TGFBRAP1: variants seen among roughly 807,000 people sequenced by gnomAD.
The protein encoded by TGFBRAP1 is transforming growth factor beta receptor associated protein 1, also known as transforming growth factor-beta receptor-associated protein 1.
A neutral mutation model predicts 83.2 loss-of-function variants in TGFBRAP1; 20 were observed. The ratio of observed to expected loss-of-function variants is 0.24; its 90% CI spans 0.17 to 0.35. The LOEUF (loss-of-function observed/expected upper bound fraction) is 0.35. Among genes scored for constraint, TGFBRAP1 ranks in the 10% least tolerant of loss-of-function variants. TGFBRAP1 has a pLI of 1.00. For synonymous variants in TGFBRAP1, 415 were observed against 459.8 expected (o/e 0.90, Z 1.25); for missense variants, 950 against 1,099.4 (o/e 0.86, Z 1.92).
Position 105,296,393 on chromosome 2 carries a change from T to C in TGFBRAP1, c.1001A>G (p.Lys334Arg). The stretch of plus-strand genomic sequence containing the variant: ...CTTTGGAATGTTCCTCCGGGCTCCT[T>C]TTGCTAAAACCAAAGCCTCTTCTAC... ...RRVEEALVLA[K>R]GARRNIPKEK... Residue 334 changes from lysine (K) to arginine (R), a missense_variant, in exon 4 of 12, where the codon AAA (lysine) becomes AGA (arginine). Transcript: ENST00000393359. The C allele has an allele frequency of 6.2e-7, 1 of 1,613,980 alleles. No individual in the cohort carries two copies.
At chr2:105,297,556 G>T (rs1361962739) in intron 3 of TGFBRAP1, among the ~76,000 whole-genome samples, 1 of 152,174 alleles carries the variant, frequency 6.6e-6, no homozygotes, top group Non-Finnish European at 1.5e-5. Flanking sequence ...GCACAGCAAG[G>T]GTAATGTTTG....
chr2:105,329,561 T>G (rs1679311448), intron 1 of TGFBRAP1, 64 bp downstream of exon 1: 1 of 94,710 alleles, frequency 1.1e-5, no homozygotes, highest in Admixed American at 1.1e-4. Context: ...CTCCCCGCCC[T>G]CCTGCCCCAC....
downstream of TGFBRAP1, among the ~76,000 whole-genome samples, chr2:105,259,600 G>A (rs887150248): frequency 6.6e-6 from 1 of 152,122 alleles, no homozygotes; most frequent in Non-Finnish European, 1.5e-5. Flanking sequence ...TATGAAGAGG[G>A]GTTGGGAAAA....
intron 1 of TGFBRAP1, chr2:105,324,338 T>C (rs1679160136): frequency 1.3e-5 from 2 of 152,216 alleles, no homozygotes; most frequent in Non-Finnish European, 2.9e-5. Flanking sequence ...CGTGGTATAT[T>C]GGGTAATTAT....
At chr2:105,294,831 C>A (rs1463925042) in intron 4 of TGFBRAP1, among the ~76,000 whole-genome samples, 3 of 152,178 alleles carry the variant, frequency 2.0e-5, no homozygotes, top group African/African-American at 7.2e-5. Context: ...TAAGAAAATG[C>A]TACACGCTTA....
At chr2:105,305,262 C>T (rs1339507624) in intron 2 of TGFBRAP1, among the ~76,000 whole-genome samples, 7 of 152,144 alleles carry the variant, frequency 4.6e-5, no homozygotes, top group Admixed American at 1.3e-4. Context: ...GACAGGAATT[C>T]GTTATCACAA....
intron 1 of TGFBRAP1, among the ~76,000 whole-genome samples, chr2:105,328,300 A>T (rs1400672408): frequency 1.3e-5 from 2 of 152,158 alleles, no homozygotes; most frequent in African/African-American, 4.8e-5. Flanking sequence ...CTAGTTATGG[A>T]CAGGTTCCAG....
chr2:105,286,674 G>A (rs1677730594), intron 4 of TGFBRAP1, among the ~76,000 whole-genome samples: 1 of 152,226 alleles, frequency 6.6e-6, no homozygotes, highest in Non-Finnish European at 1.5e-5. Flanking sequence ...TGTCTACTCT[G>A]TACAGAGGCT....
chr2:105,285,439 C>T (rs574002171), intron 4 of TGFBRAP1, among the ~76,000 whole-genome samples: 8 of 152,308 alleles, frequency 5.3e-5, no homozygotes, highest in South Asian at 2.1e-4. Flanking sequence ...CCCAGAGATG[C>T]TACGTTTTTA....
chr2:105,270,310 T>C (rs1225978400), intron 10 of TGFBRAP1, among the ~76,000 whole-genome samples: 2 of 152,160 alleles, frequency 1.3e-5, no homozygotes, highest in Non-Finnish European at 2.9e-5. Context: ...CTAAGGAAAA[T>C]GACATAACCC....
At position 105,284,398 on chromosome 2, in the gene TGFBRAP1, C is replaced by T; in HGVS notation, c.1039G>A (p.Val347Ile). 6.2e-7 allele frequency: 1 copy of T among 1,613,926 alleles called. No individual in the cohort carries two copies. Among genetic ancestry groups the T allele is most frequent in the Middle Eastern group, 1.7e-4 (1 of 6,058 alleles). Residue 347 changes from valine to isoleucine, a missense_variant and splice_region_variant, in exon 5 of 12, where the codon GTA becomes ATA. Physicochemically the swap from Val to Ile is conservative, Grantham distance 29. Coordinates refer to ENST00000393359, the MANE Select transcript of TGFBRAP1 (RefSeq NM_004257.6). ...RRNIPKEKFQVMYRRILQQAG... is the reference protein window; with the variant it reads ...RRNIPKEKFQIMYRRILQQAG... ...TGCTGCAGAATCCTTCTGTACATTA[C>T]CTGCAAGGAAAGACGGGTGTAATCT...
chr2:105,274,191 G>A (rs1301417980), intron 8 of TGFBRAP1, among the ~76,000 whole-genome samples: 1 of 152,168 alleles, frequency 6.6e-6, no homozygotes, highest in African/African-American at 2.4e-5. Flanking sequence ...GTTAATCTGA[G>A]ATCTGAGCTT....
In TGFBRAP1 at chr2:105,329,646, C is replaced by G. The variant is rs997448067; in HGVS notation, c.-39G>C. The G allele has an allele frequency of 1.4e-5, 2 of 147,226 alleles. No homozygotes were observed. The highest frequency in any genetic ancestry group is 3.0e-5 in the Non-Finnish European group (2 of 65,858). 9.1% of individuals were successfully genotyped at this position (147,226 alleles called of 1,614,324 possible). A position where few individuals can be genotyped will look rare whatever the true frequency, so the allele number is the denominator to read the frequency against. On this transcript the variant is annotated 5_prime_UTR_variant, in exon 1 of 12. Transcript: ENST00000393359. ...TCACCGGCGCCGGCGCCCGCCGTCC[C>G]GCGCCGCCCCGCGGCCTGGGGCCCC...
In TGFBRAP1 at chr2:105,305,999, C is replaced by G. The variant is rs965703145; in HGVS notation, c.688+1615G>C. On this transcript the variant is annotated intron_variant, in intron 2 of 11. Coordinates refer to ENST00000393359, the MANE Select transcript of TGFBRAP1 (RefSeq NM_004257.6). ...AGGAGCAAAAACAATCAAATGACAA[C>G]CCACTCTTGTGGGAAAATCTTACCA... Among the ~76,000 whole-genome samples the G allele has an allele frequency of 2.6e-5, 4 of 151,840 alleles. No individual in the cohort carries two copies. The South Asian group carries it at 8.3e-4, about 32-fold the overall frequency.
intron 10 of TGFBRAP1, among the ~76,000 whole-genome samples, chr2:105,272,486 C>T (rs938150805): frequency 1.3e-5 from 2 of 152,186 alleles, no homozygotes; most frequent in African/African-American, 4.8e-5. Context: ...CCAACATCAT[C>T]AATCAAAGGG....
At chr2:105,284,167 G>C (rs568223013) in intron 5 of TGFBRAP1, 149 bp downstream of exon 5, 1 of 676,470 alleles carries the variant, frequency 1.5e-6, no homozygotes, top group African/African-American at 1.8e-5. Flanking sequence ...CATTGGCGGG[G>C]TCTGCTGTCA....
intron 6 of TGFBRAP1, among the ~76,000 whole-genome samples, chr2:105,278,008 C>G (rs749633316): frequency 2.8e-4 from 42 of 151,984 alleles, no homozygotes; most frequent in Admixed American, 9.2e-4. Context: ...GCAGTGAGCC[C>G]TGATTGTGCC....
intron 1 of TGFBRAP1, among the ~76,000 whole-genome samples, chr2:105,311,862 C>A (rs903271324): frequency 6.6e-6 from 1 of 151,208 alleles, no homozygotes; most frequent in Non-Finnish European, 1.5e-5. Flanking sequence ...GAGCCGAGAT[C>A]GTACCACTGC....
the TGFBRAP1 span, among the ~76,000 whole-genome samples, chr2:105,254,810 G>A: frequency 8.2e-3 from 1,244 of 152,260 alleles, 12 homozygotes; most frequent in African/African-American, 0.029. Context: ...ATTAGGTCAT[G>A]AGGGTGAGGC....
Sources: allele counts gnomAD v4.1 joint callset (sites outside exome capture counted in the v4.1 genomes callset), GRCh38; gene constraint gnomAD v4.1.1; transcripts MANE v1.5; gene names NCBI Gene and HGNC (gene_info 2026-07-23, HGNC 2026-07-21).